Variants in MECOM observed in about 807,000 individuals in gnomAD.
The protein encoded by MECOM is histone-lysine N-methyltransferase MECOM.
In MECOM, 13 loss-of-function variants were observed where a neutral mutation model predicts 116.3. The observed-to-expected ratio is 0.11, with a 90% confidence interval of 0.07 to 0.18. The LOEUF (loss-of-function observed/expected upper bound fraction) is 0.18. MECOM is among the 10% of genes least tolerant of loss of function. MECOM has a pLI of 1.00. For synonymous variants in MECOM, 528 were observed against 535.2 expected (o/e 0.99, Z 0.19); for missense variants, 1,299 against 1,509.0 (o/e 0.86, Z 2.31).
intron 1 of MECOM, among the ~76,000 whole-genome samples, chr3:169,425,093 G>A (rs1353962445): frequency 8.9e-6 from 1 of 112,304 alleles, no homozygotes; most frequent in Non-Finnish European, 1.9e-5. Flanking sequence ...GTGTTCATTT[G>A]CAGAAACCCC....
intron 1 of MECOM, among the ~76,000 whole-genome samples, chr3:169,592,464 T>C (rs551840048): frequency 2.6e-5 from 4 of 152,292 alleles, no homozygotes; most frequent in Admixed American, 6.5e-5. Flanking sequence ...AACTGGGTTG[T>C]GTTTATCCTT....
intron 1 of MECOM, among the ~76,000 whole-genome samples, chr3:169,656,306 T>C (rs1047945978): frequency 1.4e-4 from 22 of 152,236 alleles, no homozygotes; most frequent in African/African-American, 5.3e-4. Flanking sequence ...ACTAACATAA[T>C]AAAATCTCTT....
Position 169,363,395 on chromosome 3 carries a change from C to T in MECOM, c.375+17792G>A, listed in dbSNP as rs183665849. ...TAATTTCTCTCAACTGAGTACTTAA[C>T]TCCATCGGCCAACATTATTACAATT... is the stretch of plus-strand genomic sequence containing the variant. On this transcript the variant is annotated intron_variant, in intron 2 of 16. Transcript: ENST00000651503. Among the ~76,000 whole-genome samples the T allele has an allele frequency of 7.6e-3, 1,148 of 152,028 alleles. 5 individuals carry two copies. The highest frequency in any genetic ancestry group is 0.011 in the Non-Finnish European group (757 of 67,904).
rs547843401 is a variant in MECOM at position 169,547,342 on chromosome 3, T to C, written c.37+115994A>G. Among the ~76,000 whole-genome samples the C allele has an allele frequency of 5.9e-5, 9 of 152,356 alleles. No homozygotes were observed. In the South Asian group the frequency reaches 1.7e-3, roughly 28 times the overall value. On this transcript the variant is annotated intron_variant, in intron 1 of 16. Coordinates refer to ENST00000651503, the MANE Select transcript of MECOM (RefSeq NM_004991.4). ...CCAGCAATGCTTCCTGTACAACCTA[T>C]GGAACTGTGAGTCAATTAAACTTCT...
Position 169,093,064 on chromosome 3 carries a change from T to C in MECOM, c.3058A>G (p.Thr1020Ala), listed in dbSNP as rs1259720898. 1 of 1,613,616 alleles carries C rather than the reference T, an allele frequency of 6.2e-7. No individual in the cohort carries two copies. Among genetic ancestry groups the C allele is most frequent in the South Asian group, 1.1e-5 (1 of 91,002 alleles). ...TCTTTGTCATCCAGAATCGCACCTG[T>C]ACTTTCCAGTTCAGAATGAGGCGAC... The part of the protein sequence containing the change: ...TSSPHSELES[T>A]GAILDDKEDA... The change falls in exon 14 of 17, where the codon ACA becomes GCA. Residue 1020 changes from threonine (T) to alanine (A), a missense_variant. Thr to Ala is a moderately conservative substitution (Grantham distance 58, BLOSUM62 0). Transcript: ENST00000651503.
At chr3:169,223,874 G>A (rs902260826) in intron 2 of MECOM, among the ~76,000 whole-genome samples, 4 of 152,146 alleles carry the variant, frequency 2.6e-5, no homozygotes, top group African/African-American at 9.7e-5. Flanking sequence ...GCCACTAGTA[G>A]TGACTCCCAT....
chr3:169,475,553 C>T (rs1750219039), intron 1 of MECOM, among the ~76,000 whole-genome samples: 1 of 151,612 alleles, frequency 6.6e-6, no homozygotes. Flanking sequence ...TTCCTTAGCA[C>T]ATTAAAAATA....
rs374739191 is a variant in MECOM, at chr3:169,084,139, C to A, written c.*770G>T. ...AAATACATGATACACGCAACACACACAAAAAAATAAACATTAAAAACAGTG... is the reference window on the plus strand; with the variant it reads ...AAATACATGATACACGCAACACACAAAAAAAAATAAACATTAAAAACAGTG... On this transcript the variant is annotated 3_prime_UTR_variant, in exon 17 of 17. Transcript: ENST00000651503. 484 of 231,472 alleles carry A rather than the reference C, an allele frequency of 2.1e-3. 1 individual carries two copies. The highest frequency in any genetic ancestry group is 0.015 in the South Asian group (81 of 5,494). The allele number at this position is 231,472 out of a possible 1,614,324, so 14.3% of individuals were successfully genotyped here. A position where few individuals can be genotyped will look rare whatever the true frequency, so the allele number is the denominator to read the frequency against.
At chr3:169,190,379 C>A (rs1221575742) in intron 2 of MECOM, among the ~76,000 whole-genome samples, 1 of 151,988 alleles carries the variant, frequency 6.6e-6, no homozygotes, top group African/African-American at 2.4e-5. Context: ...CATTTCATAA[C>A]TCCAGAATTA....
At chr3:169,284,046 A>G (rs1712740884) in intron 2 of MECOM, among the ~76,000 whole-genome samples, 1 of 152,198 alleles carries the variant, frequency 6.6e-6, no homozygotes, top group Non-Finnish European at 1.5e-5. Context: ...AGAGTGTCCC[A>G]TTCGAAATAG....
At chr3:169,587,456 C>T (rs1765901969) in intron 1 of MECOM, among the ~76,000 whole-genome samples, 4 of 150,480 alleles carry the variant, frequency 2.7e-5, no homozygotes, top group Admixed American at 2.6e-4. Flanking sequence ...CACACACACA[C>T]ACACACACAC....
intron 11 of MECOM, 65 bp from the exon 12 acceptor site, chr3:169,101,027 C>A: frequency 8.8e-7 from 1 of 1,133,464 alleles, no homozygotes; most frequent in South Asian, 1.4e-5. Context: ...TCATGCCACA[C>A]AGCAGCCAGA....
chr3:169,499,488 C>G (rs993199444), intron 1 of MECOM, among the ~76,000 whole-genome samples: 2 of 151,572 alleles, frequency 1.3e-5, no homozygotes, highest in African/African-American at 4.8e-5. Flanking sequence ...AATTCTGTAT[C>G]CAGTTGTCAA....
At chr3:169,538,603 A>G (rs534290171) in intron 1 of MECOM, among the ~76,000 whole-genome samples, 1 of 152,326 alleles carries the variant, frequency 6.6e-6, no homozygotes, top group African/African-American at 2.4e-5. Flanking sequence ...CTGAATTCGA[A>G]TCACAATCTG....
chr3:169,524,041 T>TAA (rs1350099145), intron 1 of MECOM, among the ~76,000 whole-genome samples: 16 of 88,122 alleles, frequency 1.8e-4, no homozygotes, highest in African/African-American at 6.0e-4. Context: ...TATGAATAAA[T>TAA]ATATATATAT....
In MECOM at chr3:169,338,602, T is replaced by G. The variant is rs1232223625; in HGVS notation, c.375+42585A>C. ...TTAGGAAATGTATTTATGTTAGGGGTGTGTGTGTGTGTGTGTGTGTGTGTG... is the reference window on the plus strand; with the variant it reads ...TTAGGAAATGTATTTATGTTAGGGGGGTGTGTGTGTGTGTGTGTGTGTGTG... On this transcript the variant is annotated intron_variant, in intron 2 of 16. Transcript: ENST00000651503. 7.2e-5 allele frequency among the ~76,000 whole-genome samples: 10 copies of G among 138,644 alleles called. No homozygotes were observed. In the East Asian group the frequency reaches 1.2e-3, roughly 17 times the overall value. 91.0% of individuals were successfully genotyped at this position (138,644 alleles called of 152,430 possible).
intron 1 of MECOM, chr3:169,483,757 G>T: frequency 1.2e-6 from 2 of 1,608,216 alleles, no homozygotes; most frequent in Admixed American, 1.7e-5. Flanking sequence ...GCAACTACGC[G>T]CAACCAGTCA....
At chr3:169,530,420 A>G (rs1382774817) in intron 1 of MECOM, among the ~76,000 whole-genome samples, 3 of 152,176 alleles carry the variant, frequency 2.0e-5, no homozygotes, top group South Asian at 2.1e-4. Flanking sequence ...GCAATTTAGT[A>G]TAAGTGGAGC....
Position 169,490,301 on chromosome 3 carries a change from T to A in MECOM, c.38-108777A>T, listed in dbSNP as rs191521283. 4.1e-3 allele frequency among the ~76,000 whole-genome samples: 620 copies of A among 152,210 alleles called. 17 individuals are homozygous for A. Among genetic ancestry groups the A allele is most frequent in the Admixed American group, 0.037 (563 of 15,276 alleles). ...ACGAGCTGTTATTAGGTGGCAAAGT[T>A]AAAAATGCACATAGCCACAACCCAG... is the stretch of plus-strand genomic sequence containing the variant. On this transcript the variant is annotated intron_variant, in intron 1 of 16. Transcript: ENST00000651503.
Sources: gnomAD v4.1 joint callset for allele counts (sites outside exome capture counted in the v4.1 genomes callset) on GRCh38, gnomAD v4.1.1 for gene constraint, MANE v1.5 for transcripts, NCBI Gene and HGNC (gene_info 2026-07-23, HGNC 2026-07-21) for gene names.